The following ESRRG variants were observed in gnomAD, a reference collection of about 807,000 sequenced individuals.
The protein encoded by ESRRG is estrogen related receptor gamma, also known as estrogen-related receptor gamma.
A neutral mutation model predicts 44.0 loss-of-function variants in ESRRG; 13 were observed. That is an observed-to-expected ratio of 0.30 (90% confidence interval 0.19 to 0.47). The LOEUF is 0.47. ESRRG is among the 20% of genes least tolerant of loss of function. The probability of loss-of-function intolerance (pLI) is 1.00; values close to 1 mark genes in which losing one functional copy is unlikely to be tolerated. For synonymous variants in ESRRG, 215 were observed against 214.6 expected, an observed-to-expected ratio of 1.00 and a Z score of -0.02; for missense variants, 395 against 580.6, an observed-to-expected ratio of 0.68 and a Z score of 3.29.
chr1:217,002,259 G>T (rs1216616038), intron 1 of ESRRG, among the ~76,000 whole-genome samples: 2 of 144,698 alleles, frequency 1.4e-5, no homozygotes, highest in African/African-American at 2.6e-5. Context: ...CCGAGATAGT[G>T]CCACTGCACT....
At chr1:216,720,119 T>C (rs539481439) in intron 1 of ESRRG, among the ~76,000 whole-genome samples, 2 of 152,240 alleles carry the variant, frequency 1.3e-5, no homozygotes, top group African/African-American at 4.8e-5. Flanking sequence ...GAAAATCATA[T>C]GTTACATAAT....
intron 1 of ESRRG, among the ~76,000 whole-genome samples, chr1:217,086,174 T>C (rs570417213): frequency 2.0e-5 from 3 of 152,306 alleles, no homozygotes; most frequent in East Asian, 3.9e-4. Flanking sequence ...CGTGGTTCAA[T>C]TGAAAGATTC....
intron 5 of ESRRG, among the ~76,000 whole-genome samples, chr1:216,543,687 C>A (rs2053561144): frequency 6.6e-6 from 1 of 151,948 alleles, no homozygotes; most frequent in Admixed American, 6.6e-5. Context: ...TCAGTCTGTT[C>A]ACTGGAAAAA....
chr1:216,543,356 T>A (rs1457834179), intron 5 of ESRRG, among the ~76,000 whole-genome samples: 3 of 152,036 alleles, frequency 2.0e-5, no homozygotes, highest in African/African-American at 7.2e-5. Context: ...TCTATTTTAT[T>A]CTTTTGTACA....
chr1:216,662,110 T>C (rs1422406015), intron 2 of ESRRG, among the ~76,000 whole-genome samples: 1 of 152,106 alleles, frequency 6.6e-6, no homozygotes, highest in African/African-American at 2.4e-5. Context: ...GGAGTGAGTA[T>C]TGATTATAAT....
chr1:217,024,654 C>A (rs1579665314), intron 1 of ESRRG, among the ~76,000 whole-genome samples: 1 of 152,262 alleles, frequency 6.6e-6, no homozygotes, highest in East Asian at 1.9e-4. Context: ...GTCCCCATTT[C>A]TTCTCAACCA....
chr1:216,760,786 C>T (rs1244527763), intron 2 of ESRRG, among the ~76,000 whole-genome samples: 1 of 152,000 alleles, frequency 6.6e-6, no homozygotes, highest in East Asian at 1.9e-4. Context: ...TTAATATGTA[C>T]TTAGAATTCA....
At chr1:216,752,409 G>C (rs1053417909) in intron 2 of ESRRG, among the ~76,000 whole-genome samples, 2 of 151,910 alleles carry the variant, frequency 1.3e-5, no homozygotes, top group Non-Finnish European at 2.9e-5. Context: ...CATCTCAGCT[G>C]CCTCTAAAGA....
chr1:216,694,442 T>C (rs1296052714), intron 1 of ESRRG, among the ~76,000 whole-genome samples: 1 of 152,176 alleles, frequency 6.6e-6, no homozygotes, highest in Non-Finnish European at 1.5e-5. Context: ...ACTACCTAGA[T>C]TAGATGTCAC....
At chr1:216,589,903 C>CAAAAAAAAAAA (rs58458686) in intron 3 of ESRRG, among the ~76,000 whole-genome samples, 7 of 32,240 alleles carry the variant, frequency 2.2e-4, no homozygotes, top group African/African-American at 5.6e-4. Flanking sequence ...AACTCTGTCT[C>CAAAAAAAAAAA]AAAAAAAAAA....
At chr1:216,576,488 A>C (rs1031743277) in intron 3 of ESRRG, among the ~76,000 whole-genome samples, 3 of 152,102 alleles carry the variant, frequency 2.0e-5, no homozygotes, top group Admixed American at 6.6e-5. Context: ...ACTATTAAAC[A>C]TGTGAGGCTT....
At chr1:216,710,773 C>G (rs1388083770) in intron 1 of ESRRG, among the ~76,000 whole-genome samples, 1 of 152,116 alleles carries the variant, frequency 6.6e-6, no homozygotes, top group African/African-American at 2.4e-5. Context: ...CTCTTCCCAC[C>G]GCCCCCACCC....
intron 2 of ESRRG, among the ~76,000 whole-genome samples, chr1:216,859,751 A>G (rs2096016496): frequency 6.6e-6 from 1 of 152,250 alleles, no homozygotes; most frequent in Non-Finnish European, 1.5e-5. Context: ...GTAAGAATCT[A>G]AAGGATGAAA....
At chr1:216,759,840 C>G (rs2092672566) in intron 2 of ESRRG, among the ~76,000 whole-genome samples, 5 of 152,090 alleles carry the variant, frequency 3.3e-5, no homozygotes, top group Admixed American at 2.6e-4. Flanking sequence ...TTTTCAGCTC[C>G]TTAGAAGGGA....
intron 1 of ESRRG, among the ~76,000 whole-genome samples, chr1:217,097,773 A>T (rs2105202): frequency 0.23 from 34,459 of 151,398 alleles, 4,013 homozygotes; most frequent in East Asian, 0.27. Flanking sequence ...ACCTTCCCAT[A>T]AGAAAAGAAT....
At chr1:216,820,407 G>GA (rs2095260596) in intron 2 of ESRRG, among the ~76,000 whole-genome samples, 1 of 152,174 alleles carries the variant, frequency 6.6e-6, no homozygotes, top group African/African-American at 2.4e-5. Context: ...TAAATTGTAG[G>GA]AAAAATCAAA....
At chr1:217,037,103 T>C (rs978550841) in intron 1 of ESRRG, among the ~76,000 whole-genome samples, 6 of 152,334 alleles carry the variant, frequency 3.9e-5, no homozygotes, top group African/African-American at 1.4e-4. Context: ...TGCTCCCTGA[T>C]AACAAATATT....
intron 5 of ESRRG, among the ~76,000 whole-genome samples, chr1:216,521,699 G>A (rs1303027845): frequency 6.6e-6 from 1 of 152,104 alleles, no homozygotes; most frequent in Admixed American, 6.6e-5. Context: ...TTAAAAGCAG[G>A]ATGATTAGTT....
intron 1 of ESRRG, among the ~76,000 whole-genome samples, chr1:217,076,380 A>C (rs965053930): frequency 6.6e-6 from 1 of 152,178 alleles, no homozygotes; most frequent in Non-Finnish European, 1.5e-5. Flanking sequence ...ACAGCACACC[A>C]AACAAACCAC....
Sources: allele counts gnomAD v4.1 joint callset (sites outside exome capture counted in the v4.1 genomes callset), GRCh38; gene constraint gnomAD v4.1.1; transcripts MANE v1.5; gene names NCBI Gene and HGNC (gene_info 2026-07-23, HGNC 2026-07-21).